The following TMED10 variants were observed in gnomAD, a reference collection of about 807,000 sequenced individuals.
The protein encoded by TMED10 is transmembrane p24 trafficking protein 10.
TMED10 carries 7 observed loss-of-function variants against 23.1 expected under a neutral mutation model. That is an observed-to-expected ratio of 0.30 (90% CI 0.17 to 0.57). The LOEUF (loss-of-function observed/expected upper bound fraction) is 0.57, where lower values mean the gene tolerates loss of function less well. Among genes scored for constraint, TMED10 ranks in the 20% least tolerant of loss-of-function variants. The pLI, the probability that TMED10 is intolerant of heterozygous loss-of-function variation, is 0.91. For synonymous variants in TMED10, 113 were observed against 106.9 expected, an observed-to-expected ratio of 1.06 and a Z score of -0.35; for missense variants, 162 against 274.8, an observed-to-expected ratio of 0.59 and a Z score of 2.90.
At chr14:75,147,797 A>ACCCT (rs1250622698) in intron 2 of TMED10, 60 bp from the exon 3 acceptor site, 2 of 1,234,490 alleles carry the variant, frequency 1.6e-6, no homozygotes, top group Non-Finnish European at 2.1e-6. Context: ...GAAATTACCC[A>ACCCT]CCCACCCGCC....
At chr14:75,153,234 G>A (rs147093641) in intron 1 of TMED10, among the ~76,000 whole-genome samples, 5 of 151,856 alleles carry the variant, frequency 3.3e-5, no homozygotes, top group Non-Finnish European at 5.9e-5. Context: ...GAAGCTTGCC[G>A]TGTCACTGCA....
rs1896308325 is a variant in TMED10 at position 75,176,546 on chromosome 14, C to G, written c.34G>C (p.Gly12Arg). The change falls in exon 1 of 5, where the codon GGC (glycine) becomes CGC (arginine). Residue 12 changes from glycine to arginine, a missense_variant. Transcript: ENST00000303575. ...AGCAGCAACGCTAACGGAAAAGGGC[C>G]GCGCCGGGCTGGTGGGCCAGACAAA... ...SGLSGPPARR[G>R]PFPLALLLLF... 6.2e-7 allele frequency: 1 copy of G among 1,614,118 alleles called. No homozygotes were observed. Among genetic ancestry groups the G allele is most frequent in the African/African-American group, 1.3e-5 (1 of 75,038 alleles).
Position 75,176,405 on chromosome 14 carries a change from C to G in TMED10, c.175G>C (p.Glu59Gln), listed in dbSNP as rs543522078. The change falls in exon 1 of 5, where the codon GAG becomes CAG. Residue 59 changes from glutamate to glutamine, a missense_variant. Transcript: ENST00000303575. ...HKDLLVTGAYEISDQSGGAGG... is the reference protein window; with the variant it reads ...HKDLLVTGAYQISDQSGGAGG... ...GCGCCCCCAGACTGGTCGGAGATCTCGTACGCGCCAGTCACTAGCAGGTCC... is the reference window on the plus strand; with the variant it reads ...GCGCCCCCAGACTGGTCGGAGATCTGGTACGCGCCAGTCACTAGCAGGTCC... 2 of 1,614,228 alleles carry G rather than the reference C, an allele frequency of 1.2e-6. No individual in the cohort carries two copies. The highest frequency in any genetic ancestry group is 1.1e-5 in the South Asian group (1 of 91,074).
Position 75,173,087 on chromosome 14 carries a change from T to C in TMED10, c.225+3268A>G, listed in dbSNP as rs115966103. Among the ~76,000 whole-genome samples the C allele has an allele frequency of 6.0e-3, 910 of 152,288 alleles. 8 individuals carry two copies. The highest frequency in any genetic ancestry group is 0.021 in the African/African-American group (876 of 41,550). ...TCAAAATCTGGTGTTCCTATTTCAT[T>C]TGAAAAATCAGATGTGGGCTAGGTG... On this transcript the variant is annotated intron_variant, in intron 1 of 4. Transcript: ENST00000303575.
intron 1 of TMED10, among the ~76,000 whole-genome samples, chr14:75,164,585 T>TG (rs1219350529): frequency 1.3e-5 from 1 of 79,930 alleles, no homozygotes; most frequent in Non-Finnish European, 2.4e-5. Context: ...ATATTTTTTT[T>TG]TTTTTTTTTG....
chr14:75,137,204 G>T (rs1212344397), intron 3 of TMED10, among the ~76,000 whole-genome samples: 15 of 150,906 alleles, frequency 9.9e-5, no homozygotes, highest in Admixed American at 9.9e-4. Flanking sequence ...TCGAGATGGG[G>T]TTTCACCATG....
At chr14:75,172,979 T>C (rs911914470) in intron 1 of TMED10, among the ~76,000 whole-genome samples, 1 of 152,194 alleles carries the variant, frequency 6.6e-6, no homozygotes, top group African/African-American at 2.4e-5. Flanking sequence ...ATGAGATCCA[T>C]GGCCCTCGGG....
At chr14:75,138,379 G>A (rs1044381283) in intron 3 of TMED10, among the ~76,000 whole-genome samples, 6 of 152,156 alleles carry the variant, frequency 3.9e-5, no homozygotes, top group African/African-American at 1.4e-4. Context: ...TAGAGTTAAC[G>A]GTGTGACTGG....
chr14:75,164,567 ATATATATATATTTT>A (rs1479956252), intron 1 of TMED10, among the ~76,000 whole-genome samples: 5 of 1,952 alleles, frequency 2.6e-3, no homozygotes, highest in African/African-American at 6.3e-3. Flanking sequence ...ATATATATAT[ATATATATATATTTT>A]TTTTTTTTTT....
chr14:75,138,056 A>AC (rs1185319045), intron 3 of TMED10, among the ~76,000 whole-genome samples: 1 of 152,140 alleles, frequency 6.6e-6, no homozygotes, highest in African/African-American at 2.4e-5. Context: ...TATTTACTGT[A>AC]CATTCCCTAT....
chr14:75,160,579 T>G (rs1283757879), intron 1 of TMED10, among the ~76,000 whole-genome samples: 1 of 152,212 alleles, frequency 6.6e-6, no homozygotes, highest in Non-Finnish European at 1.5e-5. Flanking sequence ...AAAGGATTCT[T>G]TTCTTTCCTT....
intron 3 of TMED10, chr14:75,139,289 T>C (rs1407979155): frequency 1.7e-5 from 6 of 353,052 alleles, no homozygotes; most frequent in Non-Finnish European, 2.7e-5. Context: ...AAAATGTCAG[T>C]GCTTATCAAT....
intron 2 of TMED10, among the ~76,000 whole-genome samples, chr14:75,150,123 T>C (rs773066919): frequency 4.6e-5 from 7 of 152,044 alleles, no homozygotes; most frequent in Admixed American, 2.0e-4. Flanking sequence ...AAAGGACTTC[T>C]TTTGGATAGA....
chr14:75,157,876 G>A (rs1896039349), intron 1 of TMED10, among the ~76,000 whole-genome samples: 1 of 151,902 alleles, frequency 6.6e-6, no homozygotes, highest in African/African-American at 2.4e-5. Context: ...GGAGGCGGAG[G>A]CTGCAGTGAG....
intron 3 of TMED10, among the ~76,000 whole-genome samples, chr14:75,137,305 C>T (rs533197659): frequency 2.0e-5 from 3 of 150,980 alleles, no homozygotes; most frequent in Non-Finnish European, 4.4e-5. Context: ...CCACCATGCC[C>T]GGCCAGCTTT....
At chr14:75,164,577 A>ATATATTTTT (rs1566675301) in intron 1 of TMED10, among the ~76,000 whole-genome samples, 1 of 45,134 alleles carries the variant, frequency 2.2e-5, no homozygotes, top group African/African-American at 2.2e-4. Flanking sequence ...ATATATATAT[A>ATATATTTTT]TTTTTTTTTT....
chr14:75,138,408 T>C (rs1895779544), intron 3 of TMED10, among the ~76,000 whole-genome samples: 1 of 152,236 alleles, frequency 6.6e-6, no homozygotes, highest in Non-Finnish European at 1.5e-5. Flanking sequence ...GAACAGCTTC[T>C]GGGTGTAAGA....
chr14:75,165,068 T>G (rs1361538361), intron 1 of TMED10, among the ~76,000 whole-genome samples: 1 of 152,046 alleles, frequency 6.6e-6, no homozygotes, highest in Non-Finnish European at 1.5e-5. Flanking sequence ...GAGAGAGGAT[T>G]GAGGTTGCAT....
In TMED10 at chr14:75,134,888, C is replaced by T; in HGVS notation, c.657G>A (p.Glu219=). The T allele has an allele frequency of 1.2e-6, 2 of 1,613,924 alleles. No homozygotes were observed. The highest frequency in any genetic ancestry group is 8.5e-7 in the Non-Finnish European group (1 of 1,179,878). The stretch of plus-strand genomic sequence containing the variant: ...GGAGGAGAATATGCCTCATTCATTA[C>T]TCAATCAATTTCTTGGCCTTGAAGA... ...RRFFKAKKLI[E] is the part of the protein sequence containing the mutation. Residue 219 remains glutamate (E), a synonymous_variant, in exon 5 of 5, where the codon GAG becomes GAA. Coordinates refer to ENST00000303575, the MANE Select transcript of TMED10 (RefSeq NM_006827.6).
Sources: allele counts gnomAD v4.1 joint callset (sites outside exome capture counted in the v4.1 genomes callset), GRCh38; gene constraint gnomAD v4.1.1; transcripts MANE v1.5; gene names NCBI Gene and HGNC (gene_info 2026-07-23, HGNC 2026-07-21).